Variants in ZFYVE27 observed in about 807,000 individuals in gnomAD.
ZFYVE27 encodes the protein protrudin.
A neutral mutation model predicts 52.8 loss-of-function variants in ZFYVE27; 36 were observed. That is an observed-to-expected ratio of 0.68 (90% CI 0.52 to 0.90). ZFYVE27 has a LOEUF of 0.90. Ranked by LOEUF, ZFYVE27 falls within the 40% of genes least tolerant of loss-of-function variation. ZFYVE27 has a pLI of 0.00. For missense variants in ZFYVE27, 450 were observed against 527.2 expected, an observed-to-expected ratio of 0.85 and a Z score of 1.43; for synonymous variants, 223 against 215.6, an observed-to-expected ratio of 1.03 and a Z score of -0.30.
chr10:97,758,851 G>A (rs1324817984), intron 12 of ZFYVE27, among the ~76,000 whole-genome samples: 6 of 152,038 alleles, frequency 3.9e-5, no homozygotes, highest in African/African-American at 7.2e-5. Flanking sequence ...GCGCCATCTC[G>A]GCTCACTGCA....
intron 2 of ZFYVE27, among the ~76,000 whole-genome samples, chr10:97,741,469 A>G (rs2043614725): frequency 1.3e-5 from 2 of 152,234 alleles, no homozygotes; most frequent in Admixed American, 6.5e-5. Context: ...TTGCAGGGAC[A>G]TGGATGAAGC....
chr10:97,757,158 A>G (rs775168690), intron 10 of ZFYVE27, 107 bp from the exon 11 acceptor site: 33 of 1,516,280 alleles, frequency 2.2e-5, no homozygotes, highest in South Asian at 3.4e-5. Flanking sequence ...TGTCCAGCCA[A>G]GGAGGCTGGG....
At chr10:97,747,657 T>C (rs535265372) in intron 4 of ZFYVE27, among the ~76,000 whole-genome samples, 1 of 152,330 alleles carries the variant, frequency 6.6e-6, no homozygotes, top group South Asian at 2.1e-4. Flanking sequence ...TTGGCTCTTG[T>C]TTGCATTGGT....
Position 97,749,484 on chromosome 10 carries a change from G to T in ZFYVE27, c.562G>T (p.Ala188Ser). 1 of 1,614,004 alleles carries T rather than the reference G, an allele frequency of 6.2e-7. No homozygotes were observed. The stretch of plus-strand genomic sequence containing the variant: ...TTCCCTGTCATCCAGGTTCTATGGG[G>T]CTCTTCTGGGCACAGTCTGCATGCT... ...NPVVSSQFYG[A>S]LLGTVCMLYL... Residue 188 changes from alanine to serine, a missense_variant, in exon 6 of 13, where the codon GCT becomes TCT. Ala to Ser is a moderately conservative substitution (Grantham distance 99). Transcript: ENST00000684270.
chr10:97,737,691 C>T (rs1442641345), intron 1 of ZFYVE27, among the ~76,000 whole-genome samples: 2 of 152,220 alleles, frequency 1.3e-5, no homozygotes, highest in Admixed American at 6.5e-5. Flanking sequence ...GTTCCGCCCC[C>T]TCGTTTGCTG....
intron 2 of ZFYVE27, among the ~76,000 whole-genome samples, chr10:97,742,614 T>C (rs2044034479): frequency 6.6e-6 from 1 of 152,124 alleles, no homozygotes; most frequent in African/African-American, 2.4e-5. Flanking sequence ...TTCAAAAACA[T>C]GGACATAAGA....
chr10:97,749,291 C>T (rs1212797095), intron 5 of ZFYVE27, among the ~76,000 whole-genome samples, 183 bp from the exon 6 acceptor site: 5 of 152,172 alleles, frequency 3.3e-5, no homozygotes, highest in African/African-American at 1.2e-4. Context: ...GTGTTTGCAC[C>T]GGTGACTTGG....
At chr10:97,737,634 G>C (rs556558621) in intron 1 of ZFYVE27, among the ~76,000 whole-genome samples, 16 of 152,372 alleles carry the variant, frequency 1.1e-4, no homozygotes, top group Admixed American at 1.0e-3. Context: ...CCTCCCATCA[G>C]GTCGCGGCTG....
At chr10:97,750,102 T>C in intron 6 of ZFYVE27, 1 of 565,230 alleles carries the variant, frequency 1.8e-6, no homozygotes. Context: ...GAAGCCATGA[T>C]TTATTGAGCA....
chr10:97,756,485 G>C (rs2048359382), intron 10 of ZFYVE27, among the ~76,000 whole-genome samples: 1 of 152,200 alleles, frequency 6.6e-6, no homozygotes, highest in Non-Finnish European at 1.5e-5. Flanking sequence ...GCCCAGACAG[G>C]TGGTCCGGCT....
At chr10:97,742,345 C>T (rs1230530234) in intron 2 of ZFYVE27, among the ~76,000 whole-genome samples, 1 of 152,082 alleles carries the variant, frequency 6.6e-6, no homozygotes, top group Non-Finnish European at 1.5e-5. Context: ...TGCTTGTTCT[C>T]AGCAATCTGA....
chr10:97,757,175 TC>T, intron 10 of ZFYVE27, 89 bp from the exon 11 acceptor site: 1 of 1,589,030 alleles, frequency 6.3e-7, no homozygotes, highest in Non-Finnish European at 8.6e-7. Context: ...TGGGCTGGTG[TC>T]CTGAGTGTCC....
At chr10:97,737,932 A>G (rs749475618) in intron 1 of ZFYVE27, among the ~76,000 whole-genome samples, 16 of 152,356 alleles carry the variant, frequency 1.1e-4, no homozygotes, top group Admixed American at 3.3e-4. Flanking sequence ...TTAAGCACCC[A>G]CTGTGTACAG....
chr10:97,750,229 G>A, intron 6 of ZFYVE27, 102 bp from the exon 7 acceptor site: 1 of 1,440,420 alleles, frequency 6.9e-7, no homozygotes. Flanking sequence ...TTCCTGTAGT[G>A]AAGGGAAGAG....
intron 6 of ZFYVE27, 126 bp downstream of exon 6, chr10:97,749,712 C>A: frequency 1.3e-6 from 1 of 763,642 alleles, no homozygotes; most frequent in Non-Finnish European, 2.3e-6. Context: ...CAACACCACA[C>A]TGGGGTCCTC....
chr10:97,746,038 T>C (rs900859177), intron 4 of ZFYVE27, among the ~76,000 whole-genome samples: 1,151 of 55,654 alleles, frequency 0.021, 24 homozygotes, highest in African/African-American at 0.088. Context: ...CATATATATA[T>C]ATATATATAT....
At chr10:97,741,752 TTAAGTA>T (rs1366665656) in intron 2 of ZFYVE27, among the ~76,000 whole-genome samples, 3 of 152,114 alleles carry the variant, frequency 2.0e-5, no homozygotes, top group Non-Finnish European at 2.9e-5. Flanking sequence ...TCCCAGAACT[TTAAGTA>T]TAATAATAAA....
intron 9 of ZFYVE27, 32 bp downstream of exon 9, chr10:97,752,909 C>T (rs1295918971): frequency 8.5e-6 from 9 of 1,063,674 alleles, no homozygotes; most frequent in Non-Finnish European, 1.3e-5. Flanking sequence ...TGGGCAGGGG[C>T]TGGGCTGGGG....
intron 12 of ZFYVE27, 74 bp downstream of exon 12, chr10:97,757,797 A>C: frequency 6.8e-7 from 1 of 1,462,676 alleles, no homozygotes; most frequent in Non-Finnish European, 9.6e-7. Context: ...CACAGAGGCA[A>C]GGGTGTCAGA....
Sources: gnomAD v4.1 joint callset for allele counts (sites outside exome capture counted in the v4.1 genomes callset) on GRCh38, gnomAD v4.1.1 for gene constraint, MANE v1.5 for transcripts, NCBI Gene and HGNC (gene_info 2026-07-23, HGNC 2026-07-21) for gene names.